The following ADGRL3 variants were observed in gnomAD, a reference collection of about 807,000 sequenced individuals.
ADGRL3 encodes calcium-independent alpha-latrotoxin receptor 3.
In ADGRL3, 62 loss-of-function variants were observed where a neutral mutation model predicts 153.5. The observed-to-expected ratio is 0.40, with a 90% CI of 0.33 to 0.50. The LOEUF is 0.50. Ranked by LOEUF, ADGRL3 falls within the 20% of genes least tolerant of loss-of-function variation. The pLI, the probability that ADGRL3 is intolerant of heterozygous loss-of-function variation, is 0.47. For missense variants in ADGRL3, 1,641 were observed against 1,859.4 expected, an observed-to-expected ratio of 0.88 and a Z score of 2.16; for synonymous variants, 710 against 672.5, an observed-to-expected ratio of 1.06 and a Z score of -0.86.
chr4:61,977,400 A>G (rs1350985808), intron 17 of ADGRL3, among the ~76,000 whole-genome samples: 1 of 152,096 alleles, frequency 6.6e-6, no homozygotes, highest in Admixed American at 6.6e-5. Flanking sequence ...ACCAGGTAGC[A>G]CTAACCACCC....
At chr4:61,711,547 C>T (rs2095992439) in intron 6 of ADGRL3, among the ~76,000 whole-genome samples, 1 of 136,588 alleles carries the variant, frequency 7.3e-6, no homozygotes, top group South Asian at 2.4e-4. Flanking sequence ...AAAAGAAAAA[C>T]TTCAGGCACA....
chr4:61,611,400 A>C (rs549533416), intron 5 of ADGRL3, among the ~76,000 whole-genome samples: 1 of 152,226 alleles, frequency 6.6e-6, no homozygotes, highest in African/African-American at 2.4e-5. Context: ...ATGCAGAAAT[A>C]AAAAACCTAG....
intron 24 of ADGRL3, among the ~76,000 whole-genome samples, chr4:62,038,809 A>G (rs1264898598): frequency 1.3e-5 from 2 of 151,972 alleles, no homozygotes; most frequent in Admixed American, 6.6e-5. Flanking sequence ...GTGTTTTGCC[A>G]TGTTGGCTAG....
chr4:61,587,074 G>T (rs2098949420), intron 4 of ADGRL3, among the ~76,000 whole-genome samples, 153 bp from the exon 5 acceptor site: 1 of 152,058 alleles, frequency 6.6e-6, no homozygotes, highest in African/African-American at 2.4e-5. Flanking sequence ...AGTTACTGAA[G>T]AGAAAAATAT....
intron 2 of ADGRL3, among the ~76,000 whole-genome samples, chr4:61,449,107 T>C (rs1263883567): frequency 6.6e-6 from 1 of 152,010 alleles, no homozygotes; most frequent in African/African-American, 2.4e-5. Flanking sequence ...TGTCCTTTTA[T>C]TTTTTCCTTT....
chr4:61,749,617 C>A lies in ADGRL3; in HGVS notation c.1399+16063C>A, dbSNP rs531704879. On this transcript the variant is annotated intron_variant, in intron 8 of 26. Coordinates refer to ENST00000683033, the MANE Select transcript of ADGRL3 (RefSeq NM_001387552.1). Reference sequence around the variant, plus strand: ...AGTAAACTATCACAAGAACAAAAAACCAAACACTGCATATTCTCATTCATA... The same window carrying A: ...AGTAAACTATCACAAGAACAAAAAAACAAACACTGCATATTCTCATTCATA... Among the ~76,000 whole-genome samples, 10 of 152,108 alleles carry A rather than the reference C, an allele frequency of 6.6e-5. No individual in the cohort carries two copies. In the South Asian group the frequency reaches 1.2e-3, roughly 19 times the overall value.
At chr4:61,945,752 C>G (rs1016133512) in intron 15 of ADGRL3, among the ~76,000 whole-genome samples, 1 of 151,778 alleles carries the variant, frequency 6.6e-6, no homozygotes, top group African/African-American at 2.4e-5. Flanking sequence ...TCCCTGACCC[C>G]TTGCGCTTCC....
chr4:61,901,894 T>G (rs910480911), intron 11 of ADGRL3, among the ~76,000 whole-genome samples: 1 of 152,168 alleles, frequency 6.6e-6, no homozygotes, highest in Non-Finnish European at 1.5e-5. Context: ...TCATAACATT[T>G]CTCAGTGTGT....
intron 9 of ADGRL3, among the ~76,000 whole-genome samples, chr4:61,888,602 A>G (rs6858066): frequency 0.48 from 72,799 of 152,006 alleles, 17,875 homozygotes; most frequent in East Asian, 0.62. Context: ...AAATGGAAGG[A>G]TGGGTATGGG....
intron 1 of ADGRL3, among the ~76,000 whole-genome samples, chr4:61,245,278 CCT>C (rs1756601148): frequency 1.3e-5 from 2 of 152,192 alleles, no homozygotes; most frequent in East Asian, 1.9e-4. Flanking sequence ...AATCCTTTCC[CCT>C]GTCTCCCAGG....
At chr4:61,908,748 AAAG>A (rs1171860586) in intron 11 of ADGRL3, among the ~76,000 whole-genome samples, 9 of 152,206 alleles carry the variant, frequency 5.9e-5, no homozygotes, top group Non-Finnish European at 1.0e-4. Flanking sequence ...ATTTTAAAAC[AAAG>A]AAGATTATAA....
At chr4:61,394,905 G>A (rs1665144110) in intron 2 of ADGRL3, among the ~76,000 whole-genome samples, 1 of 152,048 alleles carries the variant, frequency 6.6e-6, no homozygotes, top group Non-Finnish European at 1.5e-5. Context: ...TGGGTATAAT[G>A]TATGTATAAT....
chr4:61,300,771 T>TC (rs1480306779), intron 1 of ADGRL3, among the ~76,000 whole-genome samples: 1 of 150,004 alleles, frequency 6.7e-6, no homozygotes, highest in Non-Finnish European at 1.5e-5. Flanking sequence ...TTTCTTTCTT[T>TC]TTTTTTTTTT....
intron 26 of ADGRL3, among the ~76,000 whole-genome samples, chr4:62,069,400 GA>G (rs911455963): frequency 2.7e-5 from 4 of 150,780 alleles, no homozygotes; most frequent in Admixed American, 6.6e-5. Context: ...GCTTATAGCA[GA>G]AAAAAAAATT....
At chr4:61,433,382 A>T (rs1212615013) in intron 2 of ADGRL3, among the ~76,000 whole-genome samples, 1 of 141,964 alleles carries the variant, frequency 7.0e-6, no homozygotes, top group Non-Finnish European at 1.6e-5. Context: ...AAATCAGGCC[A>T]CCTCTCTCCC....
chr4:61,416,225 G>T (rs996698827), intron 2 of ADGRL3, among the ~76,000 whole-genome samples: 1 of 151,864 alleles, frequency 6.6e-6, no homozygotes, highest in Non-Finnish European at 1.5e-5. Context: ...AATGAAATAT[G>T]TCTGTCTCAA....
At chr4:61,966,184 A>G (rs1449502381) in intron 17 of ADGRL3, among the ~76,000 whole-genome samples, 1 of 152,222 alleles carries the variant, frequency 6.6e-6, no homozygotes, top group Non-Finnish European at 1.5e-5. Context: ...GTACATATTT[A>G]TATTTATACT....
chr4:62,000,852 G>A (rs1355263023), intron 21 of ADGRL3, among the ~76,000 whole-genome samples: 1 of 151,950 alleles, frequency 6.6e-6, no homozygotes, highest in Non-Finnish European at 1.5e-5. Flanking sequence ...TGCCATCAAA[G>A]CCCACTGCAG....
intron 9 of ADGRL3, among the ~76,000 whole-genome samples, chr4:61,848,818 G>C (rs908117645): frequency 2.0e-5 from 3 of 152,042 alleles, no homozygotes; most frequent in Admixed American, 6.6e-5. Context: ...CTGTTCCAGA[G>C]GTTCTCCTGT....
Sources: allele counts gnomAD v4.1 joint callset (sites outside exome capture counted in the v4.1 genomes callset), GRCh38; gene constraint gnomAD v4.1.1; transcripts MANE v1.5; gene names NCBI Gene and HGNC (gene_info 2026-07-23, HGNC 2026-07-21).